Variants in BSN observed in about 807,000 individuals in gnomAD.
BSN encodes protein bassoon.
In BSN, 57 loss-of-function variants were observed where a neutral mutation model predicts 264.8. The observed-to-expected ratio is 0.22, with a 90% CI of 0.17 to 0.27. BSN has a LOEUF of 0.27. BSN is among the 10% of genes least tolerant of loss of function. BSN has a pLI of 1.00. For synonymous variants in BSN, 2,059 were observed against 2,137.3 expected (o/e 0.96, Z 1.01); for missense variants, 4,615 against 5,232.5 (o/e 0.88, Z 3.64).
Position 49,671,131 on chromosome 3 carries a change from C to T in BSN, c.*3646C>T, listed in dbSNP as rs2052752007. 1 of 145,240 alleles carries T rather than the reference C, an allele frequency of 6.9e-6. No individual in the cohort carries two copies. Among genetic ancestry groups the T allele is most frequent in the Non-Finnish European group, 1.5e-5 (1 of 66,560 alleles). 9.0% of individuals were successfully genotyped at this position (145,240 alleles called of 1,614,324 possible). ...GATATTGTATGTGTATGCACATGAT[C>T]ATGTGTGTATGTGCGTGCGTGCGTG... On this transcript the variant is annotated 3_prime_UTR_variant, in exon 12 of 12. Coordinates refer to ENST00000296452, the MANE Select transcript of BSN (RefSeq NM_003458.4). The surrounding 1 kb of genome is among the most constrained non-coding windows in gnomAD (Gnocchi z 4.1).
At position 49,660,699 on chromosome 3, in the gene BSN, G is replaced by C; in HGVS notation, c.8854G>C (p.Glu2952Gln). The change falls in exon 6 of 12, where the codon GAG (glutamate) becomes CAG (glutamine). Residue 2952 changes from glutamate (E) to glutamine (Q), a missense_variant. Physicochemically the swap from Glu to Gln is conservative, Grantham distance 29. Transcript: ENST00000296452. This position sits in a 1 kb window ranked among gnomAD's most constrained non-coding sequence, Gnocchi z 7.1. ...GCTGGACCGGGACCTGCGGCTGGTG[G>C]AGCATGAGTCCACCAAACTGCGCAA... is the stretch of plus-strand genomic sequence containing the variant. ...RELDRDLRLVEHESTKLRKKQ... is the reference protein window; with the variant it reads ...RELDRDLRLVQHESTKLRKKQ... The C allele has an allele frequency of 6.2e-7, 1 of 1,613,078 alleles. No individual in the cohort carries two copies. Among genetic ancestry groups the C allele is most frequent in the Non-Finnish European group, 8.5e-7 (1 of 1,179,918 alleles).
chr3:49,642,464 G>C lies in BSN; in HGVS notation c.830G>C (p.Arg277Pro). 6.3e-7 allele frequency: 1 copy of C among 1,584,744 alleles called. No homozygotes were observed. The highest frequency in any genetic ancestry group is 8.6e-7 in the Non-Finnish European group (1 of 1,167,154). Residue 277 changes from arginine (R) to proline (P), a missense_variant, in exon 3 of 12, where the codon CGC becomes CCC. By Grantham distance (103) the Arg-to-Pro change is moderately radical. Transcript: ENST00000296452. The surrounding 1 kb of genome is among the most constrained non-coding windows in gnomAD (Gnocchi z 7.0). ...CCAGGAGGACCACAGCCTGGGTCCC[G>C]CCAGGCTGAGACAGCCAGGGCCACC... ...RGPGGPQPGSRQAETARATSV... is the reference protein window; with the variant it reads ...RGPGGPQPGSPQAETARATSV...
intron 2 of BSN, among the ~76,000 whole-genome samples, chr3:49,632,512 T>C (rs2052389991): frequency 6.6e-6 from 1 of 152,026 alleles, no homozygotes; most frequent in South Asian, 2.1e-4. Context: ...CAATTAAAAG[T>C]GGGCAAAGAG....
In BSN at chr3:49,663,528, A is replaced by G. The variant is rs374380385; in HGVS notation, c.11370A>G (p.Pro3790=). 8.1e-5 allele frequency: 131 copies of G among 1,612,478 alleles called. 1 individual carries two copies. The highest frequency in any genetic ancestry group is 1.0e-4 in the Non-Finnish European group (118 of 1,179,864). Reference sequence around the variant, plus strand: ...AGCAAGGTCTTGGGCTGCAGCCCCCACAGCAGGCTCTGACACAGGCTCGGC... The same window carrying G: ...AGCAAGGTCTTGGGCTGCAGCCCCCGCAGCAGGCTCTGACACAGGCTCGGC... ...QQQQGLGLQP[P]QQALTQARLQ... Residue 3790 remains proline (P), a synonymous_variant, in exon 7 of 12, where the codon CCA becomes CCG. Coordinates refer to ENST00000296452, the MANE Select transcript of BSN (RefSeq NM_003458.4).
chr3:49,644,105 G>A (rs995688684), intron 3 of BSN, among the ~76,000 whole-genome samples: 7 of 152,194 alleles, frequency 4.6e-5, no homozygotes, highest in South Asian at 4.1e-4. Context: ...TGCCTTGGGC[G>A]TAGCTTGGTG....
In BSN at chr3:49,662,476, T is replaced by G. The variant is rs1350920245; in HGVS notation, c.10631T>G (p.Val3544Gly). Residue 3544 changes from valine (V) to glycine (G), a missense_variant, in exon 6 of 12, where the codon GTC (valine) becomes GGC (glycine). Physicochemically the swap from Val to Gly is moderately radical, Grantham distance 109. Transcript: ENST00000296452. Reference protein sequence around the residue: ...SHSMPDVQEHVKDGPRAHAYK... With the variant: ...SHSMPDVQEHGKDGPRAHAYK... Reference sequence around the variant, plus strand: ...TCCATGCCTGATGTCCAGGAACATGTCAAGGACGGACCTCGGGCCCACGCA... The same window carrying G: ...TCCATGCCTGATGTCCAGGAACATGGCAAGGACGGACCTCGGGCCCACGCA... 5.0e-6 allele frequency: 8 copies of G among 1,613,698 alleles called. No homozygotes were observed. The highest frequency in any genetic ancestry group is 6.8e-6 in the Non-Finnish European group (8 of 1,180,016).
Position 49,585,515 on chromosome 3 carries a change from C to G in BSN, c.224+30689C>G, listed in dbSNP as rs753353495. The stretch of plus-strand genomic sequence containing the variant: ...CGGCTCCCAACTAGGCGGCCTTGCA[C>G]TCCGTGTGCACTGGCCACACATCCT... On this transcript the variant is annotated intron_variant, in intron 1 of 11. Transcript: ENST00000296452. The surrounding 1 kb of genome is among the most constrained non-coding windows in gnomAD (Gnocchi z 4.7). Among the ~76,000 whole-genome samples the G allele has an allele frequency of 6.6e-6, 1 of 152,242 alleles. No individual in the cohort carries two copies. The highest frequency in any genetic ancestry group is 1.5e-5 in the Non-Finnish European group (1 of 68,050).
chr3:49,661,061 G>A lies in BSN; in HGVS notation c.9216G>A (p.Gln3072=). 6.2e-7 allele frequency: 1 copy of A among 1,611,852 alleles called. No homozygotes were observed. The highest frequency in any genetic ancestry group is 1.7e-4 in the Middle Eastern group (1 of 6,046). ...QYSAGSGGPT[Q]NGFPAHQAPT... is the part of the protein sequence containing the mutation. ...CTGCAGGCAGTGGTGGGCCAACTCA[G>A]AACGGATTCCCAGCCCACCAGGCCC... The change falls in exon 6 of 12, where the codon CAG becomes CAA. Residue 3072 remains glutamine, a synonymous_variant. Coordinates refer to ENST00000296452, the MANE Select transcript of BSN (RefSeq NM_003458.4).
chr3:49,587,219 G>A (rs9850501), intron 1 of BSN, among the ~76,000 whole-genome samples: 5,870 of 152,130 alleles, frequency 0.039, 372 homozygotes, highest in African/African-American at 0.13. Flanking sequence ...GTTCACTGTT[G>A]GCATATAGTA....
chr3:49,624,982 C>T lies in BSN; in HGVS notation c.232C>T (p.Arg78Trp), dbSNP rs748578399. 2.2e-5 allele frequency: 33 copies of T among 1,515,404 alleles called. No homozygotes were observed. Among genetic ancestry groups the T allele is most frequent in the South Asian group, 6.5e-5 (5 of 76,388 alleles). The allele number at this position is 1,515,404 out of a possible 1,614,324, so 93.9% of individuals were successfully genotyped here. A position where few individuals can be genotyped will look rare whatever the true frequency, so the allele number is the denominator to read the frequency against. The change falls in exon 2 of 12, where the codon CGG (arginine) becomes TGG (tryptophan). Residue 78 changes from arginine to tryptophan, a missense_variant. This residue lies in a region of BSN where 1,197 missense variants were observed against 1,348.0 expected (regional missense o/e 0.89). Coordinates refer to ENST00000296452, the MANE Select transcript of BSN (RefSeq NM_003458.4). ...TTTTCAATGTCATTTCAGCACTTCC[C>T]GGAGACTGGACCCCAAGGAACCCCT... ...GPGPGPGSTS[R>W]RLDPKEPLGN...
At position 49,617,117 on chromosome 3, in the gene BSN, C is replaced by G. The variant is rs17080684; in HGVS notation, c.225-7858C>G. On this transcript the variant is annotated intron_variant, in intron 1 of 11. Coordinates refer to ENST00000296452, the MANE Select transcript of BSN (RefSeq NM_003458.4). ...TACATTGTTTACCTTTCTTGGCCAT[C>G]TTAAAAATATATTTGTCCCAATATC... 2.0e-3 allele frequency among the ~76,000 whole-genome samples: 302 copies of G among 152,122 alleles called. 7 individuals are homozygous for G. In the East Asian group the frequency reaches 0.049, roughly 25 times the overall value.
At chr3:49,613,327 AG>A (rs1380745228) in intron 1 of BSN, among the ~76,000 whole-genome samples, 30 of 148,772 alleles carry the variant, frequency 2.0e-4, no homozygotes, top group African/African-American at 6.6e-4. Flanking sequence ...AGAGAGAGAG[AG>A]AGAGAGAGAG....
chr3:49,651,050 C>G lies in BSN; in HGVS notation c.1957C>G (p.Pro653Ala). Residue 653 changes from proline (P) to alanine (A), a missense_variant, in exon 4 of 12, where the codon CCA (proline) becomes GCA (alanine). By Grantham distance (27) the Pro-to-Ala change is conservative. Coordinates refer to ENST00000296452, the MANE Select transcript of BSN (RefSeq NM_003458.4). The surrounding 1 kb of genome is among the most constrained non-coding windows in gnomAD (Gnocchi z 5.4). Reference sequence around the variant, plus strand: ...TGCCACCCCTGTCGTCAAGGCTGTTCCAGAAGCCCCCAAGGGTGGGGAGGC... The same window carrying G: ...TGCCACCCCTGTCGTCAAGGCTGTTGCAGAAGCCCCCAAGGGTGGGGAGGC... ...EPATPVVKAV[P>A]EAPKGGEAED... The G allele has an allele frequency of 6.2e-7, 1 of 1,612,702 alleles. No individual in the cohort carries two copies. Among genetic ancestry groups the G allele is most frequent in the Non-Finnish European group, 8.5e-7 (1 of 1,179,660 alleles).
chr3:49,645,560 C>T (rs923292059), intron 3 of BSN, among the ~76,000 whole-genome samples: 26 of 152,210 alleles, frequency 1.7e-4, no homozygotes, highest in Non-Finnish European at 3.5e-4. Flanking sequence ...CTCCCTTACC[C>T]ACACAATGAC....
At chr3:49,578,786 C>T (rs921032710) in intron 1 of BSN, among the ~76,000 whole-genome samples, 3 of 152,140 alleles carry the variant, frequency 2.0e-5, no homozygotes, top group Admixed American at 1.3e-4. Context: ...TTCTTCCCCC[C>T]TCTATCTATC....
chr3:49,583,877 A>G (rs567900355), intron 1 of BSN, among the ~76,000 whole-genome samples: 1 of 151,704 alleles, frequency 6.6e-6, no homozygotes, highest in Admixed American at 6.6e-5. Context: ...TTATTTATTT[A>G]TTTATTTATT....
At position 49,651,458 on chromosome 3, in the gene BSN, G is replaced by A. The variant is rs2052540454; in HGVS notation, c.1987-85G>A. 1.4e-6 allele frequency: 2 copies of A among 1,412,478 alleles called. No individual in the cohort carries two copies. Among genetic ancestry groups the A allele is most frequent in the Non-Finnish European group, 1.9e-6 (2 of 1,043,880 alleles). The allele number at this position is 1,412,478 out of a possible 1,614,324, so 87.5% of individuals were successfully genotyped here. On this transcript the variant is annotated intron_variant, in intron 4 of 11. Coordinates refer to ENST00000296452, the MANE Select transcript of BSN (RefSeq NM_003458.4). This position sits in a 1 kb window ranked among gnomAD's most constrained non-coding sequence, Gnocchi z 5.4. ...TGGGAAATGGACAGACTCTTCCCCAGGGTCCTGGGATTGACAGGGAGGATT... is the reference window on the plus strand; with the variant it reads ...TGGGAAATGGACAGACTCTTCCCCAAGGTCCTGGGATTGACAGGGAGGATT...
At chr3:49,597,248 A>G (rs1357995506) in intron 1 of BSN, among the ~76,000 whole-genome samples, 2 of 152,012 alleles carry the variant, frequency 1.3e-5, no homozygotes, top group African/African-American at 4.8e-5. Flanking sequence ...TTACTGATCT[A>G]TATTTGAGTT....
At position 49,617,345 on chromosome 3, in the gene BSN, G is replaced by A. The variant is rs2052268905; in HGVS notation, c.225-7630G>A. ...ATTTTATAATTTGTCCCTAGATAAG[G>A]CATTTCTAGTCTTCCCTGTTTGACT... On this transcript the variant is annotated intron_variant, in intron 1 of 11. Coordinates refer to ENST00000296452, the MANE Select transcript of BSN (RefSeq NM_003458.4). Among the ~76,000 whole-genome samples, 3 of 145,328 alleles carry A rather than the reference G, an allele frequency of 2.1e-5. No individual in the cohort carries two copies. The Admixed American group carries it at 2.1e-4, about 10-fold the overall frequency.
Sources: gnomAD v4.1 joint callset for allele counts (sites outside exome capture counted in the v4.1 genomes callset) on GRCh38, gnomAD v4.1.1 for gene constraint, gnomAD v4.1.1 regional missense constraint, Gnocchi (gnomAD v3.1) non-coding constraint, MANE v1.5 for transcripts, NCBI Gene and HGNC (gene_info 2026-07-23, HGNC 2026-07-21) for gene names.